Variants in DCPH1 observed in about 807,000 individuals in gnomAD.
The protein encoded by DCPH1 is damage-control phosphatase 1.
chr6:151,467,677 C>T, the DCPH1 span, among the ~76,000 whole-genome samples: 1 of 151,866 alleles, frequency 6.6e-6, no homozygotes, highest in Admixed American at 6.6e-5. Flanking sequence ...AGCTGGAAGT[C>T]CTAAACGTGT....
chr6:151,469,177 G>T, the DCPH1 span: 2 of 1,398,842 alleles, frequency 1.4e-6, no homozygotes, highest in East Asian at 2.3e-5. Context: ...CAGAAAAGGA[G>T]CACGTGAATT....
At chr6:151,458,380 A>T in the DCPH1 span, 1 of 1,613,684 alleles carries the variant, frequency 6.2e-7, no homozygotes, top group Non-Finnish European at 8.5e-7. Context: ...AAATTACGGA[A>T]TGAATTGCAA....
the DCPH1 span, among the ~76,000 whole-genome samples, chr6:151,465,203 C>G: frequency 2.0e-5 from 3 of 152,156 alleles, no homozygotes; most frequent in African/African-American, 7.2e-5. Flanking sequence ...ATCTTGTATT[C>G]AGTTTAGTTT....
the DCPH1 span, among the ~76,000 whole-genome samples, chr6:151,457,378 G>T: frequency 1.1e-4 from 16 of 152,122 alleles, 1 homozygote; most frequent in Admixed American, 1.0e-3. Context: ...AGCCTTTTTA[G>T]GTATATGCTT....
chr6:151,454,894 T>C, the DCPH1 span, among the ~76,000 whole-genome samples: 1 of 152,224 alleles, frequency 6.6e-6, no homozygotes, highest in Non-Finnish European at 1.5e-5. Context: ...TTTTCTAATA[T>C]ATGCAATGTT....
the DCPH1 span, among the ~76,000 whole-genome samples, chr6:151,459,114 G>A: frequency 2.6e-5 from 4 of 152,164 alleles, no homozygotes; most frequent in East Asian, 7.7e-4. Flanking sequence ...TGCAGCCTGA[G>A]CACCGGAGTG....
the DCPH1 span, chr6:151,464,431 C>T: frequency 1.3e-6 from 2 of 1,571,964 alleles, no homozygotes; most frequent in Non-Finnish European, 1.7e-6. Flanking sequence ...AAATGTTTCA[C>T]TTTGTTTTTC....
the DCPH1 span, among the ~76,000 whole-genome samples, chr6:151,463,648 A>G: frequency 2.0e-5 from 3 of 152,230 alleles, no homozygotes; most frequent in African/African-American, 7.2e-5. Flanking sequence ...ATTTAAAAAA[A>G]CAAAACAAAA....
chr6:151,469,878 A>G, the DCPH1 span: 1 of 152,182 alleles, frequency 6.6e-6, no homozygotes, highest in Non-Finnish European at 1.5e-5. Flanking sequence ...TTTAGTTTGC[A>G]GTTTTAGGAA....
At chr6:151,468,204 A>G in the DCPH1 span, 1 of 575,916 alleles carries the variant, frequency 1.7e-6, no homozygotes, top group Non-Finnish European at 3.0e-6. Flanking sequence ...TGTTAGAGAA[A>G]GTATAGATTT....
chr6:151,466,917 T>C, the DCPH1 span, among the ~76,000 whole-genome samples: 1 of 151,594 alleles, frequency 6.6e-6, no homozygotes, highest in South Asian at 2.1e-4. Context: ...TATTTAAGCC[T>C]TTTTTTTAAA....
the DCPH1 span, among the ~76,000 whole-genome samples, chr6:151,457,865 T>TA: frequency 3.6e-4 from 55 of 152,278 alleles, no homozygotes; most frequent in African/African-American, 1.1e-3. Flanking sequence ...ATTGGCCTGT[T>TA]ATGTGAGATA....
At chr6:151,453,974 A>G in the DCPH1 span, among the ~76,000 whole-genome samples, 1 of 152,242 alleles carries the variant, frequency 6.6e-6, no homozygotes, top group Non-Finnish European at 1.5e-5. Context: ...GGGGCAGAAT[A>G]GGATGGAAGG....
the DCPH1 span, among the ~76,000 whole-genome samples, chr6:151,459,037 T>A: frequency 6.6e-6 from 1 of 152,110 alleles, no homozygotes; most frequent in Non-Finnish European, 1.5e-5. Context: ...CCTGGGAGGC[T>A]GAGGAATGGG....
the DCPH1 span, among the ~76,000 whole-genome samples, chr6:151,455,455 A>T: frequency 1.3e-5 from 2 of 152,258 alleles, no homozygotes; most frequent in African/African-American, 4.8e-5. Flanking sequence ...GGAGAGGGTC[A>T]GCAGACAAAC....
the DCPH1 span, among the ~76,000 whole-genome samples, chr6:151,463,075 T>TA: frequency 6.6e-6 from 1 of 152,228 alleles, no homozygotes; most frequent in Non-Finnish European, 1.5e-5. Context: ...TTTCATGTGT[T>TA]ACAAAATACT....
At chr6:151,464,119 G>C in the DCPH1 span, among the ~76,000 whole-genome samples, 1 of 152,112 alleles carries the variant, frequency 6.6e-6, no homozygotes. Flanking sequence ...AATGTTTGTT[G>C]AACTAAAGCA....
chr6:151,468,763 A>G, the DCPH1 span: 2 of 1,614,208 alleles, frequency 1.2e-6, no homozygotes, highest in Admixed American at 3.3e-5. Flanking sequence ...TAAAATGGGT[A>G]AATGGGTTTA....
the DCPH1 span, among the ~76,000 whole-genome samples, chr6:151,456,616 C>G: frequency 1.3e-5 from 2 of 152,130 alleles, no homozygotes; most frequent in African/African-American, 4.8e-5. Context: ...AGTATTTGGT[C>G]ATATACGCAA....
Sources: allele counts gnomAD v4.1 joint callset (sites outside exome capture counted in the v4.1 genomes callset), GRCh38; gene constraint gnomAD v4.1.1; transcripts MANE v1.5; gene names NCBI Gene and HGNC (gene_info 2026-07-23, HGNC 2026-07-21).